Variants in VWA8 observed in about 807,000 individuals in gnomAD.
The protein encoded by VWA8 is von Willebrand factor A domain-containing protein 8.
Under a neutral mutation model 241.5 loss-of-function variants are expected in VWA8, and 221 were observed. The ratio of observed to expected loss-of-function variants is 0.91; its 90% CI spans 0.82 to 1.02. The LOEUF (loss-of-function observed/expected upper bound fraction) is 1.02, where lower values mean the gene tolerates loss of function less well. Ranked by LOEUF, VWA8 falls within the 50% of genes least tolerant of loss-of-function variation. The pLI is 0.00. For missense variants in VWA8, 2,322 were observed against 2,328.7 expected, an observed-to-expected ratio of 1.00 and a Z score of 0.06; for synonymous variants, 852 against 827.1, an observed-to-expected ratio of 1.03 and a Z score of -0.52.
intron 2 of VWA8, among the ~76,000 whole-genome samples, chr13:41,939,724 A>C (rs574250682): frequency 1.3e-5 from 2 of 152,338 alleles, no homozygotes; most frequent in African/African-American, 4.8e-5. Context: ...TTTGCATTGA[A>C]GTTTAGATTT....
intron 37 of VWA8, among the ~76,000 whole-genome samples, chr13:41,631,251 C>T (rs761103272): frequency 1.3e-5 from 2 of 152,154 alleles, no homozygotes; most frequent in African/African-American, 2.4e-5. Flanking sequence ...AACCTTTGGG[C>T]TCAAGCGATC....
At chr13:41,775,062 A>G (rs1868527127) in intron 20 of VWA8, among the ~76,000 whole-genome samples, 1 of 152,212 alleles carries the variant, frequency 6.6e-6, no homozygotes, top group Admixed American at 6.5e-5. Flanking sequence ...TTTGGGAAAC[A>G]GAGTATTTAA....
At chr13:41,609,592 T>C (rs995919480) in intron 39 of VWA8, among the ~76,000 whole-genome samples, 1 of 152,094 alleles carries the variant, frequency 6.6e-6, no homozygotes, top group African/African-American at 2.4e-5. Context: ...TAGTAAAAGG[T>C]TGAAAAATTT....
chr13:41,882,131 G>A (rs1303338145), intron 9 of VWA8, among the ~76,000 whole-genome samples: 3 of 151,126 alleles, frequency 2.0e-5, no homozygotes, highest in East Asian at 2.0e-4. Flanking sequence ...AGACGGGGTC[G>A]CGGCCGGGTG....
intron 2 of VWA8, among the ~76,000 whole-genome samples, chr13:41,931,279 T>TAAAC (rs1877102100): frequency 1.1e-5 from 1 of 90,330 alleles, no homozygotes; most frequent in Non-Finnish European, 2.0e-5. Context: ...GACCCAGGGT[T>TAAAC]AAAAAAAAAA....
intron 37 of VWA8, among the ~76,000 whole-genome samples, chr13:41,651,896 G>A (rs1044891338): frequency 1.3e-5 from 2 of 152,172 alleles, no homozygotes; most frequent in African/African-American, 4.8e-5. Context: ...ACCCTGGTGT[G>A]AGAAAAGAGA....
At chr13:41,873,910 A>G (rs924110531) in intron 9 of VWA8, among the ~76,000 whole-genome samples, 46 of 152,326 alleles carry the variant, frequency 3.0e-4, no homozygotes, top group African/African-American at 1.1e-3. Flanking sequence ...AATATCCTTG[A>G]TGAACATTGA....
chr13:41,822,968 C>T (rs1355150199), intron 14 of VWA8, among the ~76,000 whole-genome samples: 5 of 151,966 alleles, frequency 3.3e-5, no homozygotes, highest in Non-Finnish European at 5.9e-5. Context: ...GGGCAGGAGT[C>T]GGGGATGACA....
chr13:41,757,378 T>C (rs1000400527), intron 21 of VWA8, among the ~76,000 whole-genome samples: 1 of 151,812 alleles, frequency 6.6e-6, no homozygotes, highest in Admixed American at 6.6e-5. Flanking sequence ...ATAAAAATAG[T>C]GTGGTAAAAA....
chr13:41,951,452 T>C (rs1878134768), intron 1 of VWA8, among the ~76,000 whole-genome samples: 1 of 152,126 alleles, frequency 6.6e-6, no homozygotes, highest in Non-Finnish European at 1.5e-5. Flanking sequence ...AATTCCTACA[T>C]GAAATAAGCA....
At chr13:41,957,269 T>C (rs1439803926) in intron 1 of VWA8, among the ~76,000 whole-genome samples, 1 of 152,152 alleles carries the variant, frequency 6.6e-6, no homozygotes, top group East Asian at 1.9e-4. Context: ...GGTCTGATGG[T>C]TCTATAAAGG....
At chr13:41,733,941 T>G (rs2045505150) in intron 21 of VWA8, among the ~76,000 whole-genome samples, 1 of 152,228 alleles carries the variant, frequency 6.6e-6, no homozygotes, top group Non-Finnish European at 1.5e-5. Context: ...ACACATGGAC[T>G]TTCAAATTTA....
chr13:41,739,624 T>A (rs116104782), intron 21 of VWA8, among the ~76,000 whole-genome samples: 2,204 of 152,250 alleles, frequency 0.014, 47 homozygotes, highest in African/African-American at 0.049. Context: ...AAATAAGCAC[T>A]ATGTTTGGAA....
At chr13:41,724,692 C>G (rs1254978048) in intron 24 of VWA8, among the ~76,000 whole-genome samples, 1 of 152,086 alleles carries the variant, frequency 6.6e-6, no homozygotes, top group African/African-American at 2.4e-5. Flanking sequence ...AAAAGAAAGT[C>G]AGTAAACTGA....
rs144573068 is a variant in VWA8, at chr13:41,899,480, A to T, written c.484-7893T>A. Among the ~76,000 whole-genome samples, 846 of 152,330 alleles carry T rather than the reference A, an allele frequency of 5.6e-3. 4 individuals carry two copies. Among genetic ancestry groups the T allele is most frequent in the Admixed American group, 8.8e-3 (134 of 15,298 alleles). On this transcript the variant is annotated intron_variant, in intron 4 of 44. Coordinates refer to ENST00000379310, the MANE Select transcript of VWA8 (RefSeq NM_015058.2). Reference sequence around the variant, plus strand: ...CATATGAAAACTAAACTTTAAAAATATAAATAAGAATACTAGCCAAAAGGA... The same window carrying T: ...CATATGAAAACTAAACTTTAAAAATTTAAATAAGAATACTAGCCAAAAGGA...
At chr13:41,737,970 A>C (rs936474298) in intron 21 of VWA8, among the ~76,000 whole-genome samples, 2 of 152,108 alleles carry the variant, frequency 1.3e-5, no homozygotes, top group Admixed American at 6.6e-5. Context: ...GCCTTTTCCC[A>C]GTTTGGTCAA....
At chr13:41,746,944 A>G (rs974537854) in intron 21 of VWA8, among the ~76,000 whole-genome samples, 7 of 152,330 alleles carry the variant, frequency 4.6e-5, no homozygotes, top group African/African-American at 1.7e-4. Flanking sequence ...TACTACCCTC[A>G]CTAAAATACC....
At chr13:41,906,984 A>T (rs1217775898) in intron 4 of VWA8, among the ~76,000 whole-genome samples, 1 of 152,106 alleles carries the variant, frequency 6.6e-6, no homozygotes, top group Non-Finnish European at 1.5e-5. Context: ...AATATTTGAA[A>T]TATTTTCTCT....
chr13:41,683,755 A>G (rs1320905023), intron 35 of VWA8, among the ~76,000 whole-genome samples: 4 of 152,166 alleles, frequency 2.6e-5, no homozygotes, highest in Admixed American at 2.0e-4. Flanking sequence ...TATTGGTAAC[A>G]GAATTGGAGA....
Sources: allele counts gnomAD v4.1 joint callset (sites outside exome capture counted in the v4.1 genomes callset), GRCh38; gene constraint gnomAD v4.1.1; transcripts MANE v1.5; gene names NCBI Gene and HGNC (gene_info 2026-07-23, HGNC 2026-07-21).